Variants in ARHGEF38 observed in about 807,000 individuals in gnomAD.
ARHGEF38 encodes Rho guanine nucleotide exchange factor (GEF) 38.
In ARHGEF38, 79 loss-of-function variants were observed where a neutral mutation model predicts 79.9. The observed-to-expected ratio is 0.99, with a 90% CI of 0.82 to 1.19. ARHGEF38 has a LOEUF of 1.19. ARHGEF38 is among the 50% of genes most tolerant of loss of function. ARHGEF38 has a pLI of 0.00. For missense variants in ARHGEF38, 962 were observed against 907.2 expected (o/e 1.06, Z -0.78); for synonymous variants, 366 against 328.3 (o/e 1.11, Z -1.24).
intron 4 of ARHGEF38, among the ~76,000 whole-genome samples, chr4:105,636,116 T>C (rs1037393290): frequency 2.6e-5 from 4 of 152,056 alleles, no homozygotes; most frequent in African/African-American, 9.6e-5. Context: ...ATTGAAAACA[T>C]TTATTGTACT....
intron 1 of ARHGEF38, among the ~76,000 whole-genome samples, chr4:105,575,180 T>G (rs1726438084): frequency 6.6e-6 from 1 of 152,178 alleles, no homozygotes; most frequent in Non-Finnish European, 1.5e-5. Flanking sequence ...AGATATCCAT[T>G]AGTGGGATGG....
At chr4:105,586,342 A>T (rs1727047550) in intron 1 of ARHGEF38, among the ~76,000 whole-genome samples, 2 of 151,972 alleles carry the variant, frequency 1.3e-5, no homozygotes, top group Admixed American at 1.3e-4. Context: ...GATATCTCAT[A>T]AGGTTGCTCA....
chr4:105,672,049 A>C (rs1052392486), intron 13 of ARHGEF38, among the ~76,000 whole-genome samples: 3 of 152,118 alleles, frequency 2.0e-5, no homozygotes, highest in Non-Finnish European at 2.9e-5. Context: ...AAGATCATTC[A>C]CATATAGGCA....
At chr4:105,589,496 A>G in intron 2 of ARHGEF38, 61 bp downstream of exon 2, 2 of 1,449,120 alleles carry the variant, frequency 1.4e-6, no homozygotes, top group Non-Finnish European at 1.9e-6. Flanking sequence ...CACTAGCACC[A>G]TGAAATTGAA....
intron 2 of ARHGEF38, among the ~76,000 whole-genome samples, chr4:105,592,015 C>T (rs572054203): frequency 2.1e-4 from 32 of 152,276 alleles, no homozygotes; most frequent in African/African-American, 4.3e-4. Context: ...CATTTACATA[C>T]TTATTCAAAT....
At position 105,659,254 on chromosome 4, in the gene ARHGEF38, G is replaced by A. The variant is rs896816496; in HGVS notation, c.1434G>A (p.Gln478=). ...ALNAQLVEEL[Q]AFNQAARKIL... is the part of the protein sequence containing the mutation. ...ACGCCCAGCTTGTGGAGGAGCTCCA[G>A]GCATTCAACCAGGCTGCTCGGAAGA... Residue 478 remains glutamine (Q), a synonymous_variant, in exon 10 of 14, where the codon CAG becomes CAA. Transcript: ENST00000420470. 6.5e-7 allele frequency: 1 copy of A among 1,536,126 alleles called. No homozygotes were observed. The highest frequency in any genetic ancestry group is 8.7e-7 in the Non-Finnish European group (1 of 1,146,888).
At chr4:105,566,555 G>A (rs573539716) in intron 1 of ARHGEF38, among the ~76,000 whole-genome samples, 125 of 152,212 alleles carry the variant, frequency 8.2e-4, no homozygotes, top group African/African-American at 3.0e-3. Context: ...TATCCTTTGT[G>A]TTACAAATAA....
chr4:105,653,498 T>TA (rs1466264823), intron 7 of ARHGEF38, among the ~76,000 whole-genome samples: 1 of 152,098 alleles, frequency 6.6e-6, no homozygotes, highest in Non-Finnish European at 1.5e-5. Context: ...ACTTTATGTA[T>TA]GTTTAGTAGA....
At position 105,630,942 on chromosome 4, in the gene ARHGEF38, A is replaced by C. The variant is rs112405522; in HGVS notation, c.553A>C (p.Lys185Gln). 6.2e-7 allele frequency: 1 copy of C among 1,612,522 alleles called. No individual in the cohort carries two copies. Residue 185 changes from lysine to glutamine, a missense_variant, in exon 4 of 14, where the codon AAA becomes CAA. Coordinates refer to ENST00000420470, the MANE Select transcript of ARHGEF38 (RefSeq NM_001242729.2). Reference sequence around the variant, plus strand: ...TAAAGGGCCACTGGAAGATATTTATAAAATCTACTGCTATCACCATGATGA... The same window carrying C: ...TAAAGGGCCACTGGAAGATATTTATCAAATCTACTGCTATCACCATGATGA... ...QIKGPLEDIY[K>Q]IYCYHHDEAH...
intron 5 of ARHGEF38, among the ~76,000 whole-genome samples, chr4:105,638,750 G>C (rs1729501494): frequency 6.6e-6 from 1 of 151,856 alleles, no homozygotes; most frequent in Admixed American, 6.6e-5. Context: ...TCATCAATAT[G>C]TTGTGAATAT....
rs1731263755 is a variant in ARHGEF38, at chr4:105,680,271, A to AAAATGAT, written c.*2336_*2342dup. ...TTACATAAAGCATATGCAAAATAGA[A>AAAATGAT]AAATGATAGTCACCACATATCTACT... On this transcript the variant is annotated 3_prime_UTR_variant, in exon 14 of 14. Coordinates refer to ENST00000420470, the MANE Select transcript of ARHGEF38 (RefSeq NM_001242729.2). 2 of 362,560 alleles carry AAAATGAT rather than the reference A, an allele frequency of 5.5e-6. No homozygotes were observed. Among genetic ancestry groups the AAAATGAT allele is most frequent in the Non-Finnish European group, 1.1e-5 (2 of 189,888 alleles). The allele number at this position is 362,560 out of a possible 1,614,324, so 22.5% of individuals were successfully genotyped here.
chr4:105,561,553 C>T lies in ARHGEF38; in HGVS notation c.196+8592C>T, dbSNP rs560570480. The T allele has an allele frequency of 2.8e-5, 4 of 145,364 alleles. No individual in the cohort carries two copies. The South Asian group carries it at 9.1e-4, about 33-fold the overall frequency. The allele number at this position is 145,364 out of a possible 1,614,324, so 9.0% of individuals were successfully genotyped here. A position where few individuals can be genotyped will look rare whatever the true frequency, so the allele number is the denominator to read the frequency against. On this transcript the variant is annotated intron_variant, in intron 1 of 13. Transcript: ENST00000420470. ...TAGAATAGAATAGAAAAGTTTCTTT[C>T]CCCAGATCTCTGCAAGAGCAGATTT...
chr4:105,603,679 G>A (rs1273938470), intron 2 of ARHGEF38, among the ~76,000 whole-genome samples: 2 of 152,102 alleles, frequency 1.3e-5, no homozygotes, highest in African/African-American at 4.8e-5. Context: ...TCATAGATAT[G>A]TTTATACTAG....
intron 1 of ARHGEF38, among the ~76,000 whole-genome samples, chr4:105,558,518 G>A (rs980171072): frequency 1.4e-4 from 21 of 152,182 alleles, no homozygotes; most frequent in Non-Finnish European, 2.5e-4. Context: ...GTCATAGTTT[G>A]AAGGGCAAAT....
intron 11 of ARHGEF38, 66 bp from the exon 12 acceptor site, chr4:105,667,063 T>C: frequency 7.5e-7 from 1 of 1,325,824 alleles, no homozygotes; most frequent in Admixed American, 2.7e-5. Flanking sequence ...GAAAAAATAT[T>C]TACCAACTCC....
chr4:105,659,100 T>C lies in ARHGEF38; in HGVS notation c.1280T>C (p.Leu427Pro), dbSNP rs1417009054. ...ATCCTGACCCCCTTGTCAGCCCTGCTGTCCTTATTCCCAGGGCCTCACAAG... is the reference window on the plus strand; with the variant it reads ...ATCCTGACCCCCTTGTCAGCCCTGCCGTCCTTATTCCCAGGGCCTCACAAG... Reference protein sequence around the residue: ...RLILTPLSALLSLFPGPHKLI... With the variant: ...RLILTPLSALPSLFPGPHKLI... The change falls in exon 10 of 14, where the codon CTG (leucine) becomes CCG (proline). Residue 427 changes from leucine (L) to proline (P), a missense_variant. By Grantham distance (98) the Leu-to-Pro change is moderately conservative (BLOSUM62 -3). Coordinates refer to ENST00000420470, the MANE Select transcript of ARHGEF38 (RefSeq NM_001242729.2). 1.1e-5 allele frequency: 17 copies of C among 1,536,122 alleles called. No homozygotes were observed. Among genetic ancestry groups the C allele is most frequent in the Non-Finnish European group, 1.4e-5 (16 of 1,146,904 alleles).
rs969683698 is a variant in ARHGEF38, at chr4:105,659,405, A to T, written c.1545+40A>T. ...AACACCTAGCTAGCTACCTTGGCCT[A>T]CTGGATCTGCTAGAAACCACACCCA... On this transcript the variant is annotated intron_variant, in intron 10 of 13. Coordinates refer to ENST00000420470, the MANE Select transcript of ARHGEF38 (RefSeq NM_001242729.2). 8.6e-6 allele frequency: 13 copies of T among 1,504,984 alleles called. No homozygotes were observed. The African/African-American group carries it at 1.8e-4, about 21-fold the overall frequency. The allele number at this position is 1,504,984 out of a possible 1,614,324, so 93.2% of individuals were successfully genotyped here.
rs1043287856 is a variant in ARHGEF38 at position 105,679,642 on chromosome 4, C to T, written c.*1705C>T. On this transcript the variant is annotated 3_prime_UTR_variant, in exon 14 of 14. Coordinates refer to ENST00000420470, the MANE Select transcript of ARHGEF38 (RefSeq NM_001242729.2). ...AGCATAAGAAATGGAAGCCAGAGAC[C>T]TTATGGCATCCATGCTTTTAAATTT... is the stretch of plus-strand genomic sequence containing the variant. 8 of 802,558 alleles carry T rather than the reference C, an allele frequency of 1.0e-5. No homozygotes were observed. Among genetic ancestry groups the T allele is most frequent in the Non-Finnish European group, 1.8e-5 (8 of 443,720 alleles). 49.7% of individuals were successfully genotyped at this position (802,558 alleles called of 1,614,324 possible).
At chr4:105,617,292 A>C (rs1301343470) in intron 3 of ARHGEF38, among the ~76,000 whole-genome samples, 1 of 152,212 alleles carries the variant, frequency 6.6e-6, no homozygotes, top group African/African-American at 2.4e-5. Flanking sequence ...ATAGTAAAAC[A>C]ATGATTTTAT....
Sources: allele counts gnomAD v4.1 joint callset (sites outside exome capture counted in the v4.1 genomes callset), GRCh38; gene constraint gnomAD v4.1.1; transcripts MANE v1.5; gene names NCBI Gene and HGNC (gene_info 2026-07-23, HGNC 2026-07-21).